The following PREX1 variants were observed in gnomAD, a reference collection of about 807,000 sequenced individuals.
The protein encoded by PREX1 is phosphatidylinositol-3,4,5-trisphosphate dependent Rac exchange factor 1, also known as phosphatidylinositol 3,4,5-trisphosphate-dependent Rac exchanger 1 protein.
In PREX1, 41 loss-of-function variants were observed where a neutral mutation model predicts 198.3. That is an observed-to-expected ratio of 0.21 (90% CI 0.16 to 0.27). The LOEUF is 0.27. Among genes scored for constraint, PREX1 ranks in the 10% least tolerant of loss-of-function variants. The pLI is 1.00. For missense variants in PREX1, 1,620 were observed against 2,200.7 expected (o/e 0.74, Z 5.28); for synonymous variants, 843 against 887.2 (o/e 0.95, Z 0.89).
At chr20:48,818,293 G>A (rs979303064) in intron 1 of PREX1, among the ~76,000 whole-genome samples, 1 of 152,206 alleles carries the variant, frequency 6.6e-6, no homozygotes, top group South Asian at 2.1e-4. Context: ...CCACCGAATC[G>A]TACAGTTTGA....
chr20:48,823,279 T>C lies in PREX1; in HGVS notation c.219+4363A>G, dbSNP rs371383641. Among the ~76,000 whole-genome samples, 6 of 141,146 alleles carry C rather than the reference T, an allele frequency of 4.3e-5. No individual in the cohort carries two copies. In the East Asian group the frequency reaches 1.0e-3, roughly 23 times the overall value. The allele number at this position is 141,146 out of a possible 152,430, so 92.6% of individuals were successfully genotyped here. A position where few individuals can be genotyped will look rare whatever the true frequency, so the allele number is the denominator to read the frequency against. ...TCTGCCCACCCACCCAGGCCCTCTCTTCTCTTTCGACCACTGCCCAGCTGA... is the reference window on the plus strand; with the variant it reads ...TCTGCCCACCCACCCAGGCCCTCTCCTCTCTTTCGACCACTGCCCAGCTGA... On this transcript the variant is annotated intron_variant, in intron 1 of 39. Transcript: ENST00000371941.
the PREX1 span, among the ~76,000 whole-genome samples, chr20:48,847,681 A>G: frequency 6.6e-6 from 1 of 152,150 alleles, no homozygotes; most frequent in Non-Finnish European, 1.5e-5. Flanking sequence ...TGAAATGCAC[A>G]TGTCTGGAAT....
rs756011586 is a variant in PREX1, at chr20:48,632,269, G to A, written c.4526+8C>T. ...CTCCTGCCCCCAACGGGGACCCCAGGCGGATACCTGAGTTTGCGGTAATAC... is the reference window on the plus strand; with the variant it reads ...CTCCTGCCCCCAACGGGGACCCCAGACGGATACCTGAGTTTGCGGTAATAC... On this transcript the variant is annotated splice_region_variant and intron_variant, in intron 35 of 39. Transcript: ENST00000371941. 10 of 1,613,440 alleles carry A rather than the reference G, an allele frequency of 6.2e-6. No individual in the cohort carries two copies. The highest frequency in any genetic ancestry group is 5.0e-5 in the Admixed American group (3 of 60,012).
chr20:48,728,979 G>A lies in PREX1; in HGVS notation c.520-2588C>T, dbSNP rs140287899. 6.5e-3 allele frequency among the ~76,000 whole-genome samples: 984 copies of A among 152,250 alleles called. 7 individuals are homozygous for A. Among genetic ancestry groups the A allele is most frequent in the Admixed American group, 0.011 (168 of 15,296 alleles). ...AGTTAGATGAGGCGTCAACCTCATG[G>A]TCTTCCCAACCTCCTAATGGCAGCA... is the stretch of plus-strand genomic sequence containing the variant. On this transcript the variant is annotated intron_variant, in intron 4 of 39. Coordinates refer to ENST00000371941, the MANE Select transcript of PREX1 (RefSeq NM_020820.4).
At chr20:48,724,301 T>C (rs1298238242) in intron 5 of PREX1, among the ~76,000 whole-genome samples, 2 of 152,220 alleles carry the variant, frequency 1.3e-5, no homozygotes, top group Non-Finnish European at 2.9e-5. Context: ...CTAATCACAG[T>C]GCCTACCTTG....
rs1005465170 is a variant in PREX1 at position 48,666,565 on chromosome 20, G to A, written c.1666-210C>T. Among the ~76,000 whole-genome samples, 4 of 152,006 alleles carry A rather than the reference G, an allele frequency of 2.6e-5. No homozygotes were observed. Among genetic ancestry groups the A allele is most frequent in the South Asian group, 2.1e-4 (1 of 4,818 alleles). ...TTTTGAGACAGAGTCTCACTCTATCGCCCAGGCTGGAGTGCAGTGGCACGA... is the reference window on the plus strand; with the variant it reads ...TTTTGAGACAGAGTCTCACTCTATCACCCAGGCTGGAGTGCAGTGGCACGA... On this transcript the variant is annotated intron_variant, in intron 14 of 39. Coordinates refer to ENST00000371941, the MANE Select transcript of PREX1 (RefSeq NM_020820.4). This position sits in a 1 kb window ranked among gnomAD's most constrained non-coding sequence, Gnocchi z 4.3.
the PREX1 span, among the ~76,000 whole-genome samples, chr20:48,843,249 G>A: frequency 7.2e-5 from 11 of 152,228 alleles, no homozygotes; most frequent in Admixed American, 5.9e-4. Context: ...GTCTAACTTC[G>A]GGCATGGCTG....
At chr20:48,638,653 C>G (rs566363222) in intron 30 of PREX1, among the ~76,000 whole-genome samples, 2 of 151,732 alleles carry the variant, frequency 1.3e-5, no homozygotes, top group African/African-American at 4.8e-5. Context: ...CACGGCAGGA[C>G]TCACCACGCC....
At chr20:48,822,889 C>T (rs2090492767) in intron 1 of PREX1, among the ~76,000 whole-genome samples, 2 of 152,152 alleles carry the variant, frequency 1.3e-5, no homozygotes, top group African/African-American at 2.4e-5. Context: ...CTGGGGAGGT[C>T]CCTCTGCCTC....
chr20:48,728,283 T>C (rs2090018382), intron 4 of PREX1, among the ~76,000 whole-genome samples: 1 of 152,222 alleles, frequency 6.6e-6, no homozygotes, highest in Non-Finnish European at 1.5e-5. Flanking sequence ...GCCCACCATA[T>C]GCCACACGCT....
At position 48,776,593 on chromosome 20, in the gene PREX1, C is replaced by A. The variant is rs77224862; in HGVS notation, c.220-28713G>T. On this transcript the variant is annotated intron_variant, in intron 1 of 39. Transcript: ENST00000371941. The stretch of plus-strand genomic sequence containing the variant: ...ACAGGCCCTCGGAAAACCCAGCAGG[C>A]CCCTGAATTCCAGAACACTGCTTGT... Among the ~76,000 whole-genome samples the A allele has an allele frequency of 4.9e-4, 74 of 152,328 alleles. 2 individuals are homozygous for A. The East Asian group carries it at 0.011, about 22-fold the overall frequency.
At chr20:48,776,877 G>A (rs751544289) in intron 1 of PREX1, among the ~76,000 whole-genome samples, 1 of 152,262 alleles carries the variant, frequency 6.6e-6, no homozygotes, top group Non-Finnish European at 1.5e-5. Flanking sequence ...TTTTACAGAT[G>A]AGAAAACTGA....
At chr20:48,754,751 T>G (rs2090149635) in intron 1 of PREX1, among the ~76,000 whole-genome samples, 3 of 150,870 alleles carry the variant, frequency 2.0e-5, no homozygotes, top group South Asian at 2.1e-4. Flanking sequence ...CAAAAGGGGG[T>G]GCCCTGAGGA....
intron 5 of PREX1, among the ~76,000 whole-genome samples, chr20:48,719,004 T>C (rs1026701232): frequency 1.2e-4 from 18 of 152,252 alleles, no homozygotes; most frequent in South Asian, 4.1e-4. Context: ...TACTCAGTAG[T>C]ATGCAAAATG....
At chr20:48,748,858 A>AT (rs1183533596) in intron 1 of PREX1, among the ~76,000 whole-genome samples, 2 of 152,006 alleles carry the variant, frequency 1.3e-5, no homozygotes, top group South Asian at 2.1e-4. Context: ...AGAAATTAGA[A>AT]TTTTTTTTCA....
chr20:48,685,647 C>T (rs79229854), intron 10 of PREX1, among the ~76,000 whole-genome samples: 1 of 152,300 alleles, frequency 6.6e-6, no homozygotes, highest in Non-Finnish European at 1.5e-5. Context: ...ACAAATCAGG[C>T]CAGGTGCAGT....
intron 7 of PREX1, 130 bp downstream of exon 7, chr20:48,700,623 G>C (rs997864348): frequency 4.0e-6 from 5 of 1,235,162 alleles, no homozygotes; most frequent in Non-Finnish European, 4.6e-6. Context: ...ATTCCTACTA[G>C]ACAGCACTGA....
At chr20:48,647,687 A>G (rs2089461625) in intron 25 of PREX1, among the ~76,000 whole-genome samples, 3 of 152,172 alleles carry the variant, frequency 2.0e-5, no homozygotes, top group African/African-American at 7.2e-5. Flanking sequence ...TGACTTGCCT[A>G]AGTTTGCACA....
At chr20:48,626,997 A>C (rs951515707) in intron 39 of PREX1, among the ~76,000 whole-genome samples, 2 of 152,138 alleles carry the variant, frequency 1.3e-5, no homozygotes, top group Non-Finnish European at 2.9e-5. Context: ...GACAGGAGGA[A>C]ACAGCACTCC....
Sources: allele counts gnomAD v4.1 joint callset (sites outside exome capture counted in the v4.1 genomes callset), GRCh38; gene constraint gnomAD v4.1.1; non-coding constraint Gnocchi (gnomAD v3.1); transcripts MANE v1.5; gene names NCBI Gene and HGNC (gene_info 2026-07-23, HGNC 2026-07-21).